NUP93: variants seen among roughly 807,000 people sequenced by gnomAD.
NUP93 encodes nuclear pore complex protein Nup93.
A neutral mutation model predicts 107.8 loss-of-function variants in NUP93; 55 were observed. That is an observed-to-expected ratio of 0.51 (90% CI 0.41 to 0.64). The LOEUF (loss-of-function observed/expected upper bound fraction) is 0.64, where lower values mean the gene tolerates loss of function less well. Ranked by LOEUF, NUP93 falls within the 30% of genes least tolerant of loss-of-function variation. The pLI is 0.00. For missense variants in NUP93, 937 were observed against 1,044.7 expected (o/e 0.90, Z 1.42); for synonymous variants, 390 against 397.5 (o/e 0.98, Z 0.22).
chr16:56,834,258 A>G lies in NUP93; in HGVS notation c.1664+4A>G. The stretch of plus-strand genomic sequence containing the variant: ...TCCAGTACTTCTATTTCCTCAGGTA[A>G]CATTTGCTTTTGACCATTTACTTCA... On this transcript the variant is annotated splice_donor_region_variant and intron_variant, in intron 14 of 21. Transcript: ENST00000308159. 6.2e-7 allele frequency: 1 copy of G among 1,613,996 alleles called. No homozygotes were observed. Among genetic ancestry groups the G allele is most frequent in the Non-Finnish European group, 8.5e-7 (1 of 1,179,842 alleles).
At chr16:56,793,205 C>A (rs1261935564) in intron 3 of NUP93, among the ~76,000 whole-genome samples, 5 of 152,130 alleles carry the variant, frequency 3.3e-5, no homozygotes, top group Non-Finnish European at 1.5e-5. Flanking sequence ...GTTTCAGCAC[C>A]CTGGCAGTGA....
chr16:56,831,865 A>G lies in NUP93; in HGVS notation c.1109A>G (p.Lys370Arg), dbSNP rs767380960. Reference protein sequence around the residue: ...DRRLSPATENKLRLHYRRALR... With the variant: ...DRRLSPATENRLRLHYRRALR... ...AGATTGTCCCCAGCTACGGAAAACA[A>G]GCTCCGGCTGCATTACCGTAGGGCC... The change falls in exon 11 of 22, where the codon AAG becomes AGG. Residue 370 changes from lysine to arginine, a missense_variant. Physicochemically the swap from Lys to Arg is conservative, Grantham distance 26. Transcript: ENST00000308159. 6.2e-7 allele frequency: 1 copy of G among 1,614,068 alleles called. No individual in the cohort carries two copies. Among genetic ancestry groups the G allele is most frequent in the Admixed American group, 1.7e-5 (1 of 60,014 alleles).
intron 3 of NUP93, among the ~76,000 whole-genome samples, chr16:56,795,387 A>C (rs1198647257): frequency 6.6e-6 from 1 of 152,140 alleles, no homozygotes; most frequent in East Asian, 1.9e-4. Flanking sequence ...GGCCCATTAA[A>C]ATCTGCCATT....
At chr16:56,808,667 TAA>T (rs1331102273) in intron 5 of NUP93, among the ~76,000 whole-genome samples, 1 of 137,070 alleles carries the variant, frequency 7.3e-6, no homozygotes, top group African/African-American at 2.7e-5. Context: ...CATATATTTA[TAA>T]ATATATAAAA....
At chr16:56,777,891 T>A (rs1261387451) in intron 3 of NUP93, among the ~76,000 whole-genome samples, 1 of 152,202 alleles carries the variant, frequency 6.6e-6, no homozygotes, top group Non-Finnish European at 1.5e-5. Flanking sequence ...CCCCTTTAAG[T>A]ATAACTGCCT....
chr16:56,840,494 C>T (rs976702386), intron 20 of NUP93, among the ~76,000 whole-genome samples: 1 of 152,220 alleles, frequency 6.6e-6, no homozygotes, highest in South Asian at 2.1e-4. Context: ...CTCATGCCTA[C>T]ACCCCAGAGA....
chr16:56,758,119 C>T (rs1430520431), intron 2 of NUP93, among the ~76,000 whole-genome samples: 1 of 151,968 alleles, frequency 6.6e-6, no homozygotes, highest in African/African-American at 2.4e-5. Flanking sequence ...ACTAGATGTC[C>T]TGCCTCTGCC....
intron 3 of NUP93, among the ~76,000 whole-genome samples, chr16:56,775,996 T>A (rs1429899091): frequency 6.6e-6 from 1 of 152,118 alleles, no homozygotes; most frequent in Non-Finnish European, 1.5e-5. Flanking sequence ...TCTGGTTATT[T>A]TATATATTTT....
chr16:56,785,775 G>C (rs1166135776), intron 3 of NUP93, among the ~76,000 whole-genome samples: 2 of 152,112 alleles, frequency 1.3e-5, no homozygotes, highest in Non-Finnish European at 2.9e-5. Context: ...ATTGTTAGAA[G>C]ATAAAAATTT....
At chr16:56,733,752 C>G (rs1168353757) in intron 1 of NUP93, among the ~76,000 whole-genome samples, 1 of 152,144 alleles carries the variant, frequency 6.6e-6, no homozygotes, top group Non-Finnish European at 1.5e-5. Context: ...CCTCCTAGCT[C>G]ACTTATTTGC....
chr16:56,793,338 C>T (rs746469168), intron 3 of NUP93, among the ~76,000 whole-genome samples: 15 of 152,004 alleles, frequency 9.9e-5, no homozygotes, highest in Non-Finnish European at 2.1e-4. Context: ...GGACTGTGAG[C>T]AATTACAAGT....
chr16:56,766,367 C>T (rs1000252539), intron 3 of NUP93, among the ~76,000 whole-genome samples: 1 of 152,176 alleles, frequency 6.6e-6, no homozygotes, highest in South Asian at 2.1e-4. Flanking sequence ...TCCCCTCCCT[C>T]CTTCACCAGC....
chr16:56,766,276 C>A (rs1243907729), intron 3 of NUP93, among the ~76,000 whole-genome samples: 1 of 152,142 alleles, frequency 6.6e-6, no homozygotes, highest in Admixed American at 6.5e-5. Flanking sequence ...GAACAAGCCC[C>A]GTGGCTGAAA....
intron 3 of NUP93, among the ~76,000 whole-genome samples, chr16:56,774,977 G>C (rs1174723734): frequency 5.4e-5 from 8 of 148,544 alleles, no homozygotes; most frequent in Non-Finnish European, 1.2e-4. Flanking sequence ...TCTGCTCATT[G>C]CAACCTCCAC....
intron 6 of NUP93, among the ~76,000 whole-genome samples, chr16:56,819,757 A>C (rs755515389): frequency 6.6e-6 from 1 of 152,226 alleles, no homozygotes; most frequent in Non-Finnish European, 1.5e-5. Flanking sequence ...AGCTGATGGT[A>C]TTATCAGAAG....
chr16:56,749,830 G>A (rs1419297970), intron 2 of NUP93, among the ~76,000 whole-genome samples: 1 of 152,064 alleles, frequency 6.6e-6, no homozygotes, highest in African/African-American at 2.4e-5. Context: ...AGGAACCCTG[G>A]CAGGGATTTT....
At chr16:56,808,714 TAAA>T (rs1673777820) in intron 5 of NUP93, among the ~76,000 whole-genome samples, 13 of 34,488 alleles carry the variant, frequency 3.8e-4, no homozygotes, top group Non-Finnish European at 2.1e-4. Context: ...AATACATATA[TAAA>T]TATATATAAA....
chr16:56,731,219 C>T (rs1410078287), intron 1 of NUP93, among the ~76,000 whole-genome samples: 1 of 152,058 alleles, frequency 6.6e-6, no homozygotes, highest in Non-Finnish European at 1.5e-5. Context: ...TTAATATCTC[C>T]ACTGAGATGG....
chr16:56,778,727 G>A (rs1225372105), intron 3 of NUP93, among the ~76,000 whole-genome samples: 2 of 152,166 alleles, frequency 1.3e-5, no homozygotes, highest in African/African-American at 4.8e-5. Flanking sequence ...TAACTAGATT[G>A]AGAGTTGAGA....
Sources: allele counts gnomAD v4.1 joint callset (sites outside exome capture counted in the v4.1 genomes callset), GRCh38; gene constraint gnomAD v4.1.1; transcripts MANE v1.5; gene names NCBI Gene and HGNC (gene_info 2026-07-23, HGNC 2026-07-21).